PTPDC1: variants seen among roughly 807,000 people sequenced by gnomAD.
The protein encoded by PTPDC1 is protein tyrosine phosphatase domain-containing protein 1.
A neutral mutation model predicts 75.3 loss-of-function variants in PTPDC1; 53 were observed. The observed-to-expected ratio is 0.70, with a 90% CI of 0.56 to 0.88. The LOEUF is 0.88. Ranked by LOEUF, PTPDC1 falls within the 40% of genes least tolerant of loss-of-function variation. PTPDC1 has a pLI of 0.00. For synonymous variants in PTPDC1, 349 were observed against 366.2 expected (o/e 0.95, Z 0.54); for missense variants, 925 against 998.6 (o/e 0.93, Z 0.99).
intron 7 of PTPDC1, among the ~76,000 whole-genome samples, 162 bp downstream of exon 7, chr9:94,101,913 G>A (rs1277765519): frequency 8.5e-5 from 13 of 152,144 alleles, no homozygotes; most frequent in Non-Finnish European, 1.5e-5. Flanking sequence ...GATACCCAGT[G>A]TAAACACTTA....
In PTPDC1 at chr9:94,097,672, G is replaced by T. The variant is rs986306947; in HGVS notation, c.1106G>T (p.Gly369Val). The T allele has an allele frequency of 6.2e-7, 1 of 1,614,170 alleles. No individual in the cohort carries two copies. The highest frequency in any genetic ancestry group is 8.5e-7 in the Non-Finnish European group (1 of 1,180,036). Residue 369 changes from glycine to valine, a missense_variant, in exon 6 of 9, where the codon GGT becomes GTT. Coordinates refer to ENST00000620992, the MANE Select transcript of PTPDC1 (RefSeq NM_001253829.2). ...ATGAAGGATGTGTCCGAAGGACCTGGTCTCTCTGCTGAAATAGAAAAGACA... is the reference window on the plus strand; with the variant it reads ...ATGAAGGATGTGTCCGAAGGACCTGTTCTCTCTGCTGAAATAGAAAAGACA... ...VMMKDVSEGPGLSAEIEKTMS... is the reference protein window; with the variant it reads ...VMMKDVSEGPVLSAEIEKTMS...
intron 8 of PTPDC1, among the ~76,000 whole-genome samples, chr9:94,105,391 T>A (rs1448417805): frequency 6.6e-6 from 1 of 152,248 alleles, no homozygotes; most frequent in African/African-American, 2.4e-5. Context: ...TAAACAGAGC[T>A]GGGAGTGGTG....
intron 1 of PTPDC1, among the ~76,000 whole-genome samples, chr9:94,064,377 T>C (rs780493333): frequency 6.6e-6 from 1 of 152,178 alleles, no homozygotes; most frequent in Non-Finnish European, 1.5e-5. Flanking sequence ...CACATAGAAA[T>C]AACTTAATAA....
At chr9:94,104,975 T>C (rs1008087491) in intron 8 of PTPDC1, among the ~76,000 whole-genome samples, 1 of 152,226 alleles carries the variant, frequency 6.6e-6, no homozygotes, top group Non-Finnish European at 1.5e-5. Context: ...TTACTTCTCA[T>C]TGATATGAAA....
chr9:94,048,283 T>A (rs1825679305), intron 1 of PTPDC1, among the ~76,000 whole-genome samples: 1 of 152,228 alleles, frequency 6.6e-6, no homozygotes, highest in Non-Finnish European at 1.5e-5. Context: ...TCCAGTTCTT[T>A]TAATTGTGAT....
intron 2 of PTPDC1, among the ~76,000 whole-genome samples, chr9:94,087,227 T>C (rs1827105176): frequency 6.6e-6 from 1 of 152,226 alleles, no homozygotes; most frequent in Non-Finnish European, 1.5e-5. Flanking sequence ...AATTTATGTC[T>C]TGGAATTTTT....
intron 5 of PTPDC1, among the ~76,000 whole-genome samples, chr9:94,095,947 GT>G (rs1384111816): frequency 4.6e-5 from 7 of 152,176 alleles, no homozygotes; most frequent in African/African-American, 1.7e-4. Flanking sequence ...GCTACATTTA[GT>G]AAGTGCCAGG....
chr9:94,088,693 G>C (rs1827165931), intron 4 of PTPDC1, among the ~76,000 whole-genome samples: 1 of 152,166 alleles, frequency 6.6e-6, no homozygotes, highest in South Asian at 2.1e-4. Flanking sequence ...CTGCTGTCCA[G>C]CCCTGCTCCC....
chr9:94,060,107 T>C (rs1826081654), intron 1 of PTPDC1, among the ~76,000 whole-genome samples: 1 of 151,946 alleles, frequency 6.6e-6, no homozygotes, highest in South Asian at 2.1e-4. Context: ...TGACAAAAGG[T>C]AAAGGGAACT....
chr9:94,037,324 T>C (rs1825301200), intron 1 of PTPDC1, among the ~76,000 whole-genome samples: 1 of 152,236 alleles, frequency 6.6e-6, no homozygotes, highest in South Asian at 2.1e-4. Context: ...TATAATTGTC[T>C]TTTAAAAATA....
intron 1 of PTPDC1, among the ~76,000 whole-genome samples, chr9:94,054,140 A>G (rs1825865250): frequency 6.6e-6 from 1 of 152,258 alleles, no homozygotes; most frequent in Non-Finnish European, 1.5e-5. Context: ...GACAAGGCAG[A>G]CAATAGACAG....
chr9:94,093,444 C>T (rs1417429811), intron 4 of PTPDC1, among the ~76,000 whole-genome samples: 12 of 145,776 alleles, frequency 8.2e-5, no homozygotes, highest in South Asian at 6.8e-4. Flanking sequence ...GGGTTTCTGC[C>T]GAGAGATCCG....
At position 94,084,662 on chromosome 9, in the gene PTPDC1, C is replaced by T. The variant is rs1407831215; in HGVS notation, c.132C>T (p.Gly44=). 4 of 1,613,410 alleles carry T rather than the reference C, an allele frequency of 2.5e-6. No individual in the cohort carries two copies. Among genetic ancestry groups the T allele is most frequent in the African/African-American group, 1.3e-5 (1 of 74,882 alleles). ...AGGCCCGGCGGGGCTCTGGCTTGGGCTCCGGCTCTGCCACGAAGCTGCTGT... is the reference window on the plus strand; with the variant it reads ...AGGCCCGGCGGGGCTCTGGCTTGGGTTCCGGCTCTGCCACGAAGCTGCTGT... ...LQQARRGSGL[G]SGSATKLLSS... Residue 44 remains glycine, a synonymous_variant, in exon 1 of 9, where the codon GGC becomes GGT. Coordinates refer to ENST00000620992, the MANE Select transcript of PTPDC1 (RefSeq NM_001253829.2).
In PTPDC1 at chr9:94,109,292, A is replaced by C. The variant is rs1828121922; in HGVS notation, c.*1348A>C. 1 of 152,248 alleles carries C rather than the reference A, an allele frequency of 6.6e-6. No individual in the cohort carries two copies. The highest frequency in any genetic ancestry group is 2.1e-4 in the South Asian group (1 of 4,828). The allele number at this position is 152,248 out of a possible 1,614,324, so 9.4% of individuals were successfully genotyped here. On this transcript the variant is annotated 3_prime_UTR_variant, in exon 9 of 9. Transcript: ENST00000620992. ...TTCGAACTAAAGAAGTTACTGCTTA[A>C]AGACGGAATTTCAGGGGAAGCAAGA...
intron 1 of PTPDC1, among the ~76,000 whole-genome samples, chr9:94,051,160 C>A (rs564995197): frequency 1.3e-5 from 2 of 152,174 alleles, no homozygotes; most frequent in African/African-American, 4.8e-5. Flanking sequence ...TTGCACTTCC[C>A]GGGTGAGGTG....
chr9:94,103,268 A>G (rs1827908697), intron 7 of PTPDC1, among the ~76,000 whole-genome samples: 1 of 152,222 alleles, frequency 6.6e-6, no homozygotes. Context: ...AGGCAGATTA[A>G]TGTTTGGTAG....
At chr9:94,091,817 T>A (rs1195693349) in intron 4 of PTPDC1, among the ~76,000 whole-genome samples, 1 of 152,090 alleles carries the variant, frequency 6.6e-6, no homozygotes, top group Non-Finnish European at 1.5e-5. Context: ...CTTGGGAGAG[T>A]TTATGTGCAG....
intron 1 of PTPDC1, among the ~76,000 whole-genome samples, chr9:94,062,303 C>G (rs1826167084): frequency 6.6e-6 from 1 of 152,112 alleles, no homozygotes; most frequent in African/African-American, 2.4e-5. Flanking sequence ...CTTCACTTTC[C>G]ATATCACTAT....
intron 1 of PTPDC1, among the ~76,000 whole-genome samples, chr9:94,061,035 G>A (rs762742148): frequency 3.3e-5 from 5 of 152,112 alleles, no homozygotes; most frequent in Non-Finnish European, 7.4e-5. Flanking sequence ...CAGAGACAAG[G>A]CTAGTACCTT....
Sources: allele counts gnomAD v4.1 joint callset (sites outside exome capture counted in the v4.1 genomes callset), GRCh38; gene constraint gnomAD v4.1.1; transcripts MANE v1.5; gene names NCBI Gene and HGNC (gene_info 2026-07-23, HGNC 2026-07-21).